The following IRX1 variants were observed in gnomAD, a reference collection of about 807,000 sequenced individuals.
IRX1 encodes the protein iroquois homeobox 1.
In IRX1, 22 loss-of-function variants were observed where a neutral mutation model predicts 34.1. The ratio of observed to expected loss-of-function variants is 0.64; its 90% CI spans 0.46 to 0.92. The LOEUF (loss-of-function observed/expected upper bound fraction) is 0.92, where lower values mean the gene tolerates loss of function less well. Ranked by LOEUF, IRX1 falls within the 40% of genes least tolerant of loss-of-function variation. IRX1 has a pLI of 0.00. For synonymous variants in IRX1, 363 were observed against 319.0 expected (o/e 1.14, Z -1.47); for missense variants, 758 against 680.0 (o/e 1.11, Z -1.28).
intron 3 of IRX1, 63 bp downstream of exon 3, chr5:3,600,744 G>A (rs1450237899): frequency 1.3e-5 from 19 of 1,479,636 alleles, no homozygotes; most frequent in Non-Finnish European, 1.8e-5. Flanking sequence ...GGAGTGGTCG[G>A]GACCCGGGCG....
chr5:3,599,717 G>T lies in IRX1; in HGVS notation c.769G>T (p.Ala257Ser). The T allele has an allele frequency of 6.2e-7, 1 of 1,612,646 alleles. No homozygotes were observed. The highest frequency in any genetic ancestry group is 8.5e-7 in the Non-Finnish European group (1 of 1,179,942). ...DKAEAPHAPA[A>S]PSALARDQGS... is the part of the protein sequence containing the mutation. ...GGCCGAGGCTCCGCACGCGCCCGCA[G>T]CCCCTTCTGCTCTTGCCCGGGACCA... is the stretch of plus-strand genomic sequence containing the variant. The change falls in exon 2 of 4, where the codon GCC (alanine) becomes TCC (serine). Residue 257 changes from alanine (A) to serine (S), a missense_variant. By Grantham distance (99) the Ala-to-Ser change is moderately conservative. Around this residue, in one of 3 missense-constraint regions of IRX1, gnomAD observed 529 missense variants for 418.8 expected, o/e 1.26. Transcript: ENST00000302006. This position sits in a 1 kb window ranked among gnomAD's most constrained non-coding sequence, Gnocchi z 6.6.
Position 3,600,257 on chromosome 5 carries a change from C to G in IRX1, c.1309C>G (p.Pro437Ala). Reference protein sequence around the residue: ...KASVRSSPTLPERDLVPRPDS... With the variant: ...KASVRSSPTLAERDLVPRPDS... ...CTCGGTCCGCAGCAGCCCCACGCTC[C>G]CAGGTACAGCTCCAGGCCGCGTCCA... The change falls in exon 2 of 4, where the codon CCA becomes GCA. Residue 437 changes from proline (P) to alanine (A), a missense_variant. This residue lies in a region of IRX1 where 529 missense variants were observed against 418.8 expected (regional missense o/e 1.26). Coordinates refer to ENST00000302006, the MANE Select transcript of IRX1 (RefSeq NM_024337.4). 1 of 1,585,366 alleles carries G rather than the reference C, an allele frequency of 6.3e-7. No homozygotes were observed. Among genetic ancestry groups the G allele is most frequent in the Non-Finnish European group, 8.6e-7 (1 of 1,169,330 alleles).
intron 2 of IRX1, 119 bp downstream of exon 2, chr5:3,600,379 T>A: frequency 9.4e-7 from 1 of 1,067,094 alleles, no homozygotes; most frequent in Non-Finnish European, 1.3e-6. Context: ...CGCTGAGCCC[T>A]GGGGCTGCGC....
Position 3,599,907 on chromosome 5 carries a change from C to T in IRX1, c.959C>T (p.Ala320Val). The T allele has an allele frequency of 2.0e-6, 3 of 1,473,186 alleles. No individual in the cohort carries two copies. The highest frequency in any genetic ancestry group is 1.4e-5 in the South Asian group (1 of 72,330). The allele number at this position is 1,473,186 out of a possible 1,614,324, so 91.3% of individuals were successfully genotyped here. Residue 320 changes from alanine to valine, a missense_variant, in exon 2 of 4, where the codon GCG becomes GTG. Physicochemically the swap from Ala to Val is moderately conservative, Grantham distance 64. Coordinates refer to ENST00000302006, the MANE Select transcript of IRX1 (RefSeq NM_024337.4). This position sits in a 1 kb window ranked among gnomAD's most constrained non-coding sequence, Gnocchi z 6.6. The stretch of plus-strand genomic sequence containing the variant: ...GGCAAGCCCAAGATCTGGTCGCTGG[C>T]GGAGACAGCCACGAGCCCCGACGGT... The part of the protein sequence containing the change: ...PHGKPKIWSL[A>V]ETATSPDGAP...
In IRX1 at chr5:3,599,957, C is replaced by T; in HGVS notation, c.1009C>T (p.Pro337Ser). ...DGAPKASPPP[P>S]AGHPGAHGPS... ...TGCGCCCAAGGCTTCGCCACCACCA[C>T]CCGCGGGCCACCCCGGCGCGCACGG... Residue 337 changes from proline (P) to serine (S), a missense_variant, in exon 2 of 4, where the codon CCC (proline) becomes TCC (serine). Transcript: ENST00000302006. The surrounding 1 kb of genome is among the most constrained non-coding windows in gnomAD (Gnocchi z 6.6). The T allele has an allele frequency of 6.6e-7, 1 of 1,504,784 alleles. No individual in the cohort carries two copies. The highest frequency in any genetic ancestry group is 8.9e-7 in the Non-Finnish European group (1 of 1,123,408). The allele number at this position is 1,504,784 out of a possible 1,614,324, so 93.2% of individuals were successfully genotyped here. A position where few individuals can be genotyped will look rare whatever the true frequency, so the allele number is the denominator to read the frequency against.
rs1366684560 is a variant in IRX1, at chr5:3,599,720, C to T, written c.772C>T (p.Pro258Ser). The T allele has an allele frequency of 2.5e-6, 4 of 1,612,660 alleles. No homozygotes were observed. The highest frequency in any genetic ancestry group is 1.1e-5 in the South Asian group (1 of 91,078). ...CGAGGCTCCGCACGCGCCCGCAGCCCCTTCTGCTCTTGCCCGGGACCAAGG... is the reference window on the plus strand; with the variant it reads ...CGAGGCTCCGCACGCGCCCGCAGCCTCTTCTGCTCTTGCCCGGGACCAAGG... Reference protein sequence around the residue: ...KAEAPHAPAAPSALARDQGSP... With the variant: ...KAEAPHAPAASSALARDQGSP... Residue 258 changes from proline (P) to serine (S), a missense_variant, in exon 2 of 4, where the codon CCT becomes TCT. Coordinates refer to ENST00000302006, the MANE Select transcript of IRX1 (RefSeq NM_024337.4). The surrounding 1 kb of genome is among the most constrained non-coding windows in gnomAD (Gnocchi z 6.6).
intron 3 of IRX1, 84 bp from the exon 4 acceptor site, chr5:3,600,899 C>G: frequency 1.4e-6 from 2 of 1,430,104 alleles, no homozygotes; most frequent in Non-Finnish European, 2.0e-6. Flanking sequence ...CCCAGGGCTC[C>G]GCTACTGGAA....
At chr5:3,596,474 A>G in intron 1 of IRX1, 93 bp downstream of exon 1, 1 of 1,238,616 alleles carries the variant, frequency 8.1e-7, no homozygotes, top group Admixed American at 4.0e-5. Context: ...CTACGGGTGG[A>G]CCTGGTCCGG....
Position 3,601,086 on chromosome 5 carries a change from G to C in IRX1, c.*46G>C. The C allele has an allele frequency of 6.8e-7, 1 of 1,473,184 alleles. No individual in the cohort carries two copies. 91.3% of individuals were successfully genotyped at this position (1,473,184 alleles called of 1,614,324 possible). On this transcript the variant is annotated 3_prime_UTR_variant, in exon 4 of 4. Transcript: ENST00000302006. ...TTGCGGGGGGGAGGGGGGAGGAGTT[G>C]GGGAGGGAGGGAATGTGGGAGGAAT...
chr5:3,596,609 G>A (rs982731866), intron 1 of IRX1, among the ~76,000 whole-genome samples: 5 of 152,176 alleles, frequency 3.3e-5, no homozygotes, highest in Non-Finnish European at 7.4e-5. Flanking sequence ...AAAGCGGAAG[G>A]CCCGGGCCAG....
intron 2 of IRX1, 35 bp from the exon 3 acceptor site, chr5:3,600,574 T>G (rs1733936450): frequency 1.9e-6 from 3 of 1,589,132 alleles, no homozygotes; most frequent in Non-Finnish European, 2.6e-6. Flanking sequence ...CGCCCGTCTC[T>G]CCGTCCTAAC....
In IRX1 at chr5:3,601,028, C is replaced by T; in HGVS notation, c.1431C>T (p.Leu477=). The T allele has an allele frequency of 1.2e-6, 2 of 1,613,660 alleles. No homozygotes were observed. Among genetic ancestry groups the T allele is most frequent in the African/African-American group, 1.3e-5 (1 of 74,968 alleles). ...GAACGCCGCGGATCCTAGCAGCCCT[C>T]CCGTCCGCCTGATTAAGGGTCTTCT... ...QEGTPRILAA[L]PSA is the part of the protein sequence containing the mutation. The change falls in exon 4 of 4, where the codon CTC becomes CTT. Residue 477 remains leucine (L), a synonymous_variant. Coordinates refer to ENST00000302006, the MANE Select transcript of IRX1 (RefSeq NM_024337.4).
chr5:3,600,859 C>A, intron 3 of IRX1, 124 bp from the exon 4 acceptor site: 2 of 1,218,486 alleles, frequency 1.6e-6, no homozygotes, highest in Non-Finnish European at 2.4e-6. Flanking sequence ...TTCTCCCCAG[C>A]CGGGAGCCGC....
Position 3,600,019 on chromosome 5 carries a change from C to T in IRX1, c.1071C>T (p.Phe357=). ...SAGAPLQHPA[F]LPSHGLYTCH... ...GGGCGCCGCTGCAACACCCCGCCTTCCTGCCTAGCCACGGACTGTACACCT... is the reference window on the plus strand; with the variant it reads ...GGGCGCCGCTGCAACACCCCGCCTTTCTGCCTAGCCACGGACTGTACACCT... Residue 357 remains phenylalanine, a synonymous_variant, in exon 2 of 4, where the codon TTC becomes TTT. Coordinates refer to ENST00000302006, the MANE Select transcript of IRX1 (RefSeq NM_024337.4). 2.6e-6 allele frequency: 4 copies of T among 1,555,272 alleles called. No individual in the cohort carries two copies. Among genetic ancestry groups the T allele is most frequent in the Non-Finnish European group, 3.5e-6 (4 of 1,147,150 alleles).
At position 3,599,461 on chromosome 5, in the gene IRX1, C is replaced by G. The variant is rs377716175; in HGVS notation, c.513C>G (p.Leu171=). 5 of 1,613,982 alleles carry G rather than the reference C, an allele frequency of 3.1e-6. No homozygotes were observed. The highest frequency in any genetic ancestry group is 4.2e-6 in the Non-Finnish European group (5 of 1,180,034). ...IMLAIITKMT[L]TQVSTWFANA... ...TGGCCATCATCACCAAGATGACCCT[C>G]ACGCAGGTCTCCACCTGGTTCGCCA... Residue 171 remains leucine (L), a synonymous_variant, in exon 2 of 4, where the codon CTC becomes CTG. Transcript: ENST00000302006. The surrounding 1 kb of genome is among the most constrained non-coding windows in gnomAD (Gnocchi z 6.6).
At chr5:3,600,959 T>A (rs1733950449) in intron 3 of IRX1, 24 bp from the exon 4 acceptor site, 4 of 1,612,588 alleles carry the variant, frequency 2.5e-6, no homozygotes, top group Middle Eastern at 1.7e-4. Context: ...CCTGTCTTCT[T>A]GTCTCGCTGT....
intron 1 of IRX1, among the ~76,000 whole-genome samples, chr5:3,598,894 G>C (rs1225466844): frequency 6.6e-6 from 1 of 152,166 alleles, no homozygotes; most frequent in Admixed American, 6.5e-5. Flanking sequence ...GAACTTGCAG[G>C]GGCCGCGGCC....
chr5:3,600,746 A>G (rs1264398407), intron 3 of IRX1, 65 bp downstream of exon 3: 1 of 1,452,126 alleles, frequency 6.9e-7, no homozygotes. Flanking sequence ...AGTGGTCGGG[A>G]CCCGGGCGGA....
chr5:3,598,659 G>A (rs922461521), intron 1 of IRX1, among the ~76,000 whole-genome samples: 6 of 152,158 alleles, frequency 3.9e-5, no homozygotes, highest in Admixed American at 3.3e-4. Context: ...CTGTGCTTTC[G>A]TTTTAAATTG....
Sources: gnomAD v4.1 joint callset for allele counts (sites outside exome capture counted in the v4.1 genomes callset) on GRCh38, gnomAD v4.1.1 for gene constraint, gnomAD v4.1.1 regional missense constraint, Gnocchi (gnomAD v3.1) non-coding constraint, MANE v1.5 for transcripts, NCBI Gene and HGNC (gene_info 2026-07-23, HGNC 2026-07-21) for gene names.